IL17RD: variants seen among roughly 807,000 people sequenced by gnomAD.
IL17RD encodes interleukin-17 receptor D.
In IL17RD, 52 loss-of-function variants were observed where a neutral mutation model predicts 80.5. That is an observed-to-expected ratio of 0.65 (90% CI 0.52 to 0.81). The LOEUF (loss-of-function observed/expected upper bound fraction) is 0.81. IL17RD is among the 40% of genes least tolerant of loss of function. The pLI is 0.00. For missense variants in IL17RD, 1,024 were observed against 955.1 expected (o/e 1.07, Z -0.95); for synonymous variants, 416 against 391.8 (o/e 1.06, Z -0.73).
In IL17RD at chr3:57,130,741, G is replaced by C. The variant is rs555571900; in HGVS notation, c.127-10428C>G. Among the ~76,000 whole-genome samples, 3 of 152,302 alleles carry C rather than the reference G, an allele frequency of 2.0e-5. No homozygotes were observed. In the South Asian group the frequency reaches 6.2e-4, roughly 32 times the overall value. On this transcript the variant is annotated intron_variant, in intron 1 of 12. Coordinates refer to ENST00000296318, the MANE Select transcript of IL17RD (RefSeq NM_017563.5). ...CAAACCATTTCCATCTAGTCTCTTA[G>C]ATAGCAAGTCCTGAAACATCCCCCT... is the stretch of plus-strand genomic sequence containing the variant.
intron 1 of IL17RD, among the ~76,000 whole-genome samples, chr3:57,148,967 A>C (rs1707994897): frequency 1.3e-5 from 2 of 152,170 alleles, no homozygotes; most frequent in African/African-American, 2.4e-5. Flanking sequence ...ACAAGGTTGG[A>C]AGGTTGGGGA....
Position 57,098,267 on chromosome 3 carries a change from T to A in IL17RD, c.1436A>T (p.Tyr479Phe). ...GTCTCCCTCGCAGGAATAATCAAAG[T>A]AGACGGCGATAAACTTGCTGAGCGC... The part of the protein sequence containing the change: ...SAALSKFIAV[Y>F]FDYSCEGDVP... Residue 479 changes from tyrosine (Y) to phenylalanine (F), a missense_variant, in exon 12 of 13, where the codon TAC (tyrosine) becomes TTC (phenylalanine). Coordinates refer to ENST00000296318, the MANE Select transcript of IL17RD (RefSeq NM_017563.5). The A allele has an allele frequency of 1.2e-6, 2 of 1,613,956 alleles. No homozygotes were observed. Among genetic ancestry groups the A allele is most frequent in the Non-Finnish European group, 1.7e-6 (2 of 1,179,876 alleles).
intron 1 of IL17RD, among the ~76,000 whole-genome samples, chr3:57,136,279 G>A (rs1471446120): frequency 6.6e-6 from 1 of 152,150 alleles, no homozygotes; most frequent in African/African-American, 2.4e-5. Flanking sequence ...TCCATTTTGT[G>A]ATTAGAATCA....
chr3:57,158,269 C>T (rs1021481393), intron 1 of IL17RD, among the ~76,000 whole-genome samples: 4 of 152,152 alleles, frequency 2.6e-5, no homozygotes, highest in African/African-American at 9.7e-5. Context: ...AAGAAAGGTA[C>T]AATAAAATTA....
chr3:57,097,254 C>T (rs1011378000), intron 12 of IL17RD, among the ~76,000 whole-genome samples: 2 of 152,096 alleles, frequency 1.3e-5, no homozygotes, highest in African/African-American at 4.8e-5. Context: ...CTAAAAAAGA[C>T]GCATCCACAA....
rs1410646018 is a variant in IL17RD at position 57,102,493 on chromosome 3, C to T, written c.965G>A (p.Arg322His). 1.4e-5 allele frequency: 22 copies of T among 1,551,532 alleles called. No homozygotes were observed. The highest frequency in any genetic ancestry group is 5.9e-5 in the South Asian group (5 of 84,966). The change falls in exon 10 of 13, where the codon CGC (arginine) becomes CAC (histidine). Residue 322 changes from arginine to histidine, a missense_variant. By Grantham distance (29) the Arg-to-His change is conservative. Transcript: ENST00000296318. ...AFATLFTVMCRKKQQENIYSH... is the reference protein window; with the variant it reads ...AFATLFTVMCHKKQQENIYSH... ...CAAAGAGATACCTTGTTGCTTCTTGCGGCACATCACAGTGAAGAGCGTCGC... is the reference window on the plus strand; with the variant it reads ...CAAAGAGATACCTTGTTGCTTCTTGTGGCACATCACAGTGAAGAGCGTCGC...
intron 5 of IL17RD, 77 bp from the exon 6 acceptor site, chr3:57,106,231 TATAAAG>T: frequency 1.9e-6 from 2 of 1,055,552 alleles, no homozygotes; most frequent in African/African-American, 3.1e-5. Flanking sequence ...CCCAATGAAA[TATAAAG>T]ATACTGTGCC....
chr3:57,098,600 G>T, intron 11 of IL17RD, 62 bp from the exon 12 acceptor site: 1 of 1,108,790 alleles, frequency 9.0e-7, no homozygotes. Flanking sequence ...CGGGAAGTGA[G>T]TAACAGGAAG....
chr3:57,165,015 A>T, intron 1 of IL17RD, 146 bp downstream of exon 1: 1 of 1,341,318 alleles, frequency 7.5e-7, no homozygotes, highest in Non-Finnish European at 9.5e-7. Flanking sequence ...AACCAGGAGG[A>T]TGCGCGGGAG....
In IL17RD at chr3:57,093,769, G is replaced by A. The variant is rs1401905295; in HGVS notation, c.*2624C>T. ...TCTGTTGCTTGTAGCCAATCTCTGA[G>A]AAGGCACACCTTTACCTGAGCTTTA... On this transcript the variant is annotated 3_prime_UTR_variant, in exon 13 of 13. Transcript: ENST00000296318. The A allele has an allele frequency of 6.6e-6, 1 of 152,228 alleles. No homozygotes were observed. The highest frequency in any genetic ancestry group is 1.9e-4 in the East Asian group (1 of 5,200). The allele number at this position is 152,228 out of a possible 1,614,324, so 9.4% of individuals were successfully genotyped here.
At chr3:57,146,043 G>GCACA (rs1329579530) in intron 1 of IL17RD, among the ~76,000 whole-genome samples, 15 of 140,610 alleles carry the variant, frequency 1.1e-4, no homozygotes, top group African/African-American at 3.5e-4. Context: ...GCGCGCGCGC[G>GCACA]CGCACACACA....
At position 57,120,260 on chromosome 3, in the gene IL17RD, A is replaced by G. The variant is rs757558136; in HGVS notation, c.180T>C (p.Tyr60=). The G allele has an allele frequency of 6.2e-7, 1 of 1,611,670 alleles. No individual in the cohort carries two copies. Among genetic ancestry groups the G allele is most frequent in the Non-Finnish European group, 8.5e-7 (1 of 1,177,758 alleles). Residue 60 remains tyrosine (Y), a synonymous_variant, in exon 2 of 13, where the codon TAT becomes TAC. Transcript: ENST00000296318. ...NSGLYNITFK[Y]DNCTTYLNPV... is the part of the protein sequence containing the mutation. ...GCAATAAAGGCGGTTACTTACTGTC[A>G]TATTTGAAGGTGATGTTGTACAGCC...
In IL17RD at chr3:57,149,694, G is replaced by A. The variant is rs376027672; in HGVS notation, c.126+15467C>T. Among the ~76,000 whole-genome samples the A allele has an allele frequency of 3.5e-4, 53 of 152,220 alleles. 1 individual carries two copies. The East Asian group carries it at 9.1e-3, about 26-fold the overall frequency. Reference sequence around the variant, plus strand: ...GTGGTTGATGGTTACTGAATTGAACGGTGCTGGGAAGAACATTTTTTGTCA... The same window carrying A: ...GTGGTTGATGGTTACTGAATTGAACAGTGCTGGGAAGAACATTTTTTGTCA... On this transcript the variant is annotated intron_variant, in intron 1 of 12. Transcript: ENST00000296318.
In IL17RD at chr3:57,095,176, G is replaced by A. The variant is rs556878570; in HGVS notation, c.*1217C>T. The A allele has an allele frequency of 5.9e-5, 9 of 152,350 alleles. No individual in the cohort carries two copies. The highest frequency in any genetic ancestry group is 2.2e-4 in the African/African-American group (9 of 41,588). The allele number at this position is 152,350 out of a possible 1,614,324, so 9.4% of individuals were successfully genotyped here. A position where few individuals can be genotyped will look rare whatever the true frequency, so the allele number is the denominator to read the frequency against. On this transcript the variant is annotated 3_prime_UTR_variant, in exon 13 of 13. Transcript: ENST00000296318. ...AAATCTAACAGCACCCATGAGAAAG[G>A]TAGTGAGAGATGTACACACCTGCTC... is the stretch of plus-strand genomic sequence containing the variant.
chr3:57,142,992 G>A (rs1434832515), intron 1 of IL17RD, among the ~76,000 whole-genome samples: 1 of 152,100 alleles, frequency 6.6e-6, no homozygotes, highest in Non-Finnish European at 1.5e-5. Flanking sequence ...TCTGAGTATT[G>A]AAGGTAAATG....
chr3:57,135,062 C>T (rs1707696129), intron 1 of IL17RD, among the ~76,000 whole-genome samples: 1 of 152,144 alleles, frequency 6.6e-6, no homozygotes, highest in Admixed American at 6.5e-5. Flanking sequence ...GAGCCATGAT[C>T]ACTCCACTAC....
intron 1 of IL17RD, among the ~76,000 whole-genome samples, chr3:57,154,490 T>G (rs945718040): frequency 6.6e-6 from 1 of 152,004 alleles, no homozygotes; most frequent in African/African-American, 2.4e-5. Context: ...CTTGATCAAC[T>G]CGAAAACTCT....
At chr3:57,133,855 C>A (rs533563256) in intron 1 of IL17RD, among the ~76,000 whole-genome samples, 2 of 152,224 alleles carry the variant, frequency 1.3e-5, no homozygotes, top group Admixed American at 1.3e-4. Context: ...ATGGCACATA[C>A]AACCTTGTCC....
At chr3:57,159,115 T>A (rs906740347) in intron 1 of IL17RD, among the ~76,000 whole-genome samples, 1 of 147,804 alleles carries the variant, frequency 6.8e-6, no homozygotes, top group Non-Finnish European at 1.5e-5. Context: ...ACAATGTCGA[T>A]ATCTCTTCTT....
Sources: gnomAD v4.1 joint callset for allele counts (sites outside exome capture counted in the v4.1 genomes callset) on GRCh38, gnomAD v4.1.1 for gene constraint, MANE v1.5 for transcripts, NCBI Gene and HGNC (gene_info 2026-07-23, HGNC 2026-07-21) for gene names.